The following HERC4 variants were observed in gnomAD, a reference collection of about 807,000 sequenced individuals.
HERC4 encodes probable E3 ubiquitin-protein ligase HERC4.
In HERC4, 28 loss-of-function variants were observed where a neutral mutation model predicts 124.3. The observed-to-expected ratio is 0.23, with a 90% CI of 0.17 to 0.31. The LOEUF is 0.31. Among genes scored for constraint, HERC4 ranks in the 10% least tolerant of loss-of-function variants. The probability of loss-of-function intolerance (pLI) is 1.00; values close to 1 mark genes in which losing one functional copy is unlikely to be tolerated. For missense variants in HERC4, 713 were observed against 1,229.3 expected, an observed-to-expected ratio of 0.58 and a Z score of 6.28; for synonymous variants, 407 against 421.5, an observed-to-expected ratio of 0.97 and a Z score of 0.42.
At chr10:68,060,191 A>T (rs940523276) in intron 3 of HERC4, among the ~76,000 whole-genome samples, 4 of 151,688 alleles carry the variant, frequency 2.6e-5, no homozygotes, top group Non-Finnish European at 4.4e-5. Context: ...TTATTTTTTT[A>T]AATCAGCATT....
At chr10:68,006,674 G>A (rs1012620233) in intron 9 of HERC4, among the ~76,000 whole-genome samples, 6 of 152,096 alleles carry the variant, frequency 3.9e-5, no homozygotes, top group South Asian at 2.1e-4. Context: ...CACCACGCCC[G>A]GCCACCCCTC....
intron 3 of HERC4, chr10:68,067,214 G>A (rs1238484836): frequency 6.6e-6 from 1 of 152,490 alleles, no homozygotes; most frequent in African/African-American, 2.4e-5. Context: ...TCAGATGTAG[G>A]GTCCTACACA....
At chr10:67,941,679 T>C (rs935717454) in intron 19 of HERC4, among the ~76,000 whole-genome samples, 2 of 122,656 alleles carry the variant, frequency 1.6e-5, no homozygotes, top group African/African-American at 8.8e-5. Context: ...CTTTTTTTTT[T>C]TTTTTTTTTT....
intron 17 of HERC4, chr10:67,955,713 G>C (rs1564955952): frequency 6.6e-6 from 1 of 152,368 alleles, no homozygotes; most frequent in Non-Finnish European, 1.5e-5. Context: ...AGAGGTTCCA[G>C]TGAGCTGAGA....
intron 19 of HERC4, among the ~76,000 whole-genome samples, chr10:67,951,442 T>C (rs539177506): frequency 1.3e-5 from 2 of 152,346 alleles, no homozygotes; most frequent in Admixed American, 1.3e-4. Flanking sequence ...CATATGGCAT[T>C]GTGGGATGCC....
intron 15 of HERC4, among the ~76,000 whole-genome samples, chr10:67,978,208 G>C (rs988993716): frequency 2.0e-5 from 3 of 151,306 alleles, no homozygotes; most frequent in Non-Finnish European, 2.9e-5. Context: ...CCCAGGAGAT[G>C]GAGGAGCTGA....
chr10:68,024,531 T>C (rs1230228690), intron 8 of HERC4, among the ~76,000 whole-genome samples: 23 of 152,078 alleles, frequency 1.5e-4, no homozygotes, highest in Non-Finnish European at 8.8e-5. Flanking sequence ...ATATTATATA[T>C]GTATAAAATT....
intron 22 of HERC4, among the ~76,000 whole-genome samples, chr10:67,934,877 T>C (rs2032190014): frequency 6.6e-6 from 1 of 151,720 alleles, no homozygotes; most frequent in African/African-American, 2.4e-5. Flanking sequence ...GCTTTCAATC[T>C]TGAAAAGATG....
At chr10:67,969,590 G>A (rs1589214143) in intron 15 of HERC4, among the ~76,000 whole-genome samples, 4 of 152,274 alleles carry the variant, frequency 2.6e-5, no homozygotes, top group Admixed American at 2.6e-4. Context: ...TTCACACAGA[G>A]CAAAAGCCTT....
chr10:68,046,594 G>A (rs921040473), intron 3 of HERC4, among the ~76,000 whole-genome samples: 3 of 152,160 alleles, frequency 2.0e-5, no homozygotes, highest in African/African-American at 4.8e-5. Context: ...TGGAAAAGGA[G>A]GTGAGATAAA....
intron 23 of HERC4, among the ~76,000 whole-genome samples, chr10:67,931,110 C>T (rs1288986264): frequency 3.3e-5 from 5 of 151,968 alleles, no homozygotes; most frequent in African/African-American, 1.2e-4. Flanking sequence ...CTCAGCCTCT[C>T]GATAGTTGGG....
intron 8 of HERC4, among the ~76,000 whole-genome samples, chr10:68,021,002 G>A (rs1488072035): frequency 6.6e-6 from 1 of 152,124 alleles, no homozygotes; most frequent in African/African-American, 2.4e-5. Context: ...AGAATTCTCA[G>A]AAGAATAGAG....
chr10:68,010,217 A>G (rs563202071), intron 9 of HERC4: 5 of 1,075,930 alleles, frequency 4.6e-6, no homozygotes, highest in South Asian at 3.9e-5. Flanking sequence ...GTTTGAATGC[A>G]TGGGAGAGCC....
At chr10:67,936,424 GA>G (rs1360114482) in intron 21 of HERC4, among the ~76,000 whole-genome samples, 189 bp from the exon 22 acceptor site, 1 of 152,098 alleles carries the variant, frequency 6.6e-6, no homozygotes, top group Non-Finnish European at 1.5e-5. Context: ...TCTCTAGTTT[GA>G]AATCCTACCA....
intron 9 of HERC4, chr10:67,995,183 C>T: frequency 4.5e-6 from 2 of 443,160 alleles, no homozygotes; most frequent in South Asian, 1.6e-5. Flanking sequence ...TTCAGTAAAA[C>T]TACTACATGG....
At chr10:67,981,028 TAGG>T (rs148724652) in intron 15 of HERC4, among the ~76,000 whole-genome samples, 11,532 of 151,554 alleles carry the variant, frequency 0.076, 1,099 homozygotes, top group African/African-American at 0.23. Flanking sequence ...AGTAACAAAA[TAGG>T]AGGAGTGTGT....
Position 67,975,374 on chromosome 10 carries a change from CAG to C in HERC4, c.1807-8574_1807-8573del, listed in dbSNP as rs1462438411. ...AAAGTAACCAAGGTCACGTAAGTAA[CAG>C]AGCCAGAAATATAACTCATGCATTC... On this transcript the variant is annotated intron_variant, in intron 15 of 24. Transcript: ENST00000373700. Among the ~76,000 whole-genome samples the C allele has an allele frequency of 1.1e-4, 16 of 152,240 alleles. 1 individual carries two copies. Among genetic ancestry groups the C allele is most frequent in the Admixed American group, 8.5e-4 (13 of 15,300 alleles).
intron 19 of HERC4, among the ~76,000 whole-genome samples, chr10:67,942,637 G>A (rs1037092130): frequency 5.3e-5 from 8 of 151,948 alleles, no homozygotes; most frequent in African/African-American, 1.9e-4. Flanking sequence ...TCAGCCTCCC[G>A]GGTAGCTGGG....
At position 67,922,152 on chromosome 10, in the gene HERC4, G is replaced by A. The variant is rs2030274744; in HGVS notation, c.*779C>T. The A allele has an allele frequency of 6.6e-6, 1 of 152,112 alleles. No individual in the cohort carries two copies. Among genetic ancestry groups the A allele is most frequent in the Non-Finnish European group, 1.5e-5 (1 of 67,990 alleles). The allele number at this position is 152,112 out of a possible 1,614,324, so 9.4% of individuals were successfully genotyped here. A position where few individuals can be genotyped will look rare whatever the true frequency, so the allele number is the denominator to read the frequency against. On this transcript the variant is annotated 3_prime_UTR_variant, in exon 25 of 25. Transcript: ENST00000373700. ...TTTTGAAAGCTATAACCCAGTGATTGGTGCTCATAGTAGCCAATGTTTCTT... is the reference window on the plus strand; with the variant it reads ...TTTTGAAAGCTATAACCCAGTGATTAGTGCTCATAGTAGCCAATGTTTCTT...
Sources: allele counts gnomAD v4.1 joint callset (sites outside exome capture counted in the v4.1 genomes callset), GRCh38; gene constraint gnomAD v4.1.1; transcripts MANE v1.5; gene names NCBI Gene and HGNC (gene_info 2026-07-23, HGNC 2026-07-21).